The following DOK6 variants were observed in gnomAD, a reference collection of about 807,000 sequenced individuals.
DOK6 encodes the protein docking protein 6.
A neutral mutation model predicts 44.0 loss-of-function variants in DOK6; 22 were observed. The ratio of observed to expected loss-of-function variants is 0.50; its 90% CI spans 0.36 to 0.71. The LOEUF is 0.71. Ranked by LOEUF, DOK6 falls within the 30% of genes least tolerant of loss-of-function variation. The pLI is 0.00. For missense variants in DOK6, 340 were observed against 416.4 expected, an observed-to-expected ratio of 0.82 and a Z score of 1.60; for synonymous variants, 166 against 145.5, an observed-to-expected ratio of 1.14 and a Z score of -1.01.
chr18:69,604,979 T>C (rs1339807859), intron 3 of DOK6, among the ~76,000 whole-genome samples: 2 of 151,772 alleles, frequency 1.3e-5, no homozygotes, highest in East Asian at 3.9e-4. Context: ...GAGTGTCGCT[T>C]CTCCTTGTCA....
chr18:69,546,026 C>G (rs1982394307), intron 1 of DOK6, among the ~76,000 whole-genome samples: 1 of 151,022 alleles, frequency 6.6e-6, no homozygotes, highest in African/African-American at 2.4e-5. Context: ...GCCTGTAATC[C>G]TAGTACTTTG....
At chr18:69,824,204 C>T (rs1311544312) in intron 7 of DOK6, among the ~76,000 whole-genome samples, 1 of 131,176 alleles carries the variant, frequency 7.6e-6, no homozygotes, top group African/African-American at 2.9e-5. Flanking sequence ...CCTCCCCCCA[C>T]CCCACAACAG....
At chr18:69,737,132 A>G (rs1978637780) in intron 5 of DOK6, among the ~76,000 whole-genome samples, 1 of 152,236 alleles carries the variant, frequency 6.6e-6, no homozygotes, top group Admixed American at 6.5e-5. Flanking sequence ...CACATTTTAA[A>G]TAATAAGGGA....
intron 6 of DOK6, among the ~76,000 whole-genome samples, chr18:69,754,340 G>A (rs2144751468): frequency 8.9e-6 from 1 of 112,566 alleles, no homozygotes; most frequent in East Asian, 2.8e-4. Context: ...AACAGAGTGA[G>A]ACCCTATCTC....
At chr18:69,817,854 A>G (rs907592388) in intron 7 of DOK6, among the ~76,000 whole-genome samples, 1 of 152,216 alleles carries the variant, frequency 6.6e-6, no homozygotes, top group African/African-American at 2.4e-5. Context: ...GTTCACCACC[A>G]GCTGCAACAT....
chr18:69,787,776 C>T (rs1454041779), intron 7 of DOK6, among the ~76,000 whole-genome samples: 1 of 152,170 alleles, frequency 6.6e-6, no homozygotes, highest in Non-Finnish European at 1.5e-5. Flanking sequence ...ATATGTGCTT[C>T]TCTAGAGCCT....
intron 5 of DOK6, among the ~76,000 whole-genome samples, chr18:69,726,852 TAAAA>T (rs35924499): frequency 1.5e-5 from 2 of 131,754 alleles, no homozygotes; most frequent in African/African-American, 2.7e-5. Flanking sequence ...TGATCCTTTT[TAAAA>T]AAAAAAAAAA....
intron 5 of DOK6, 149 bp from the exon 6 acceptor site, chr18:69,738,816 G>A (rs1304891610): frequency 2.4e-6 from 2 of 840,448 alleles, no homozygotes; most frequent in East Asian, 5.1e-5. Context: ...GCACTTTTTG[G>A]TTGGTTTGGT....
At chr18:69,709,011 G>A (rs1326351232) in intron 5 of DOK6, among the ~76,000 whole-genome samples, 1 of 152,156 alleles carries the variant, frequency 6.6e-6, no homozygotes, top group Non-Finnish European at 1.5e-5. Flanking sequence ...GCAGGAGAGT[G>A]ATTGCAAACA....
intron 3 of DOK6, among the ~76,000 whole-genome samples, chr18:69,651,795 C>G (rs553946447): frequency 2.0e-5 from 3 of 152,044 alleles, no homozygotes; most frequent in Admixed American, 2.0e-4. Flanking sequence ...CCCCATCAGC[C>G]CCCTTTAATC....
chr18:69,749,283 C>T (rs1405046243), intron 6 of DOK6, among the ~76,000 whole-genome samples: 1 of 152,104 alleles, frequency 6.6e-6, no homozygotes, highest in Non-Finnish European at 1.5e-5. Flanking sequence ...GCACATCCTG[C>T]ACCTGTACCC....
intron 7 of DOK6, among the ~76,000 whole-genome samples, chr18:69,835,369 G>A (rs1226410313): frequency 6.6e-6 from 1 of 152,128 alleles, no homozygotes; most frequent in Non-Finnish European, 1.5e-5. Flanking sequence ...GGAGGCTGAG[G>A]CAGGAGAATG....
At position 69,575,671 on chromosome 18, in the gene DOK6, G is replaced by A. The variant is rs150783098; in HGVS notation, c.174+11077G>A. ...GCTGTTAGTGGAATAAATGTTAAAA[G>A]ACTAAACAGCAAAGGTTATAGTAAT... On this transcript the variant is annotated intron_variant, in intron 2 of 7. Coordinates refer to ENST00000382713, the MANE Select transcript of DOK6 (RefSeq NM_152721.6). Among the ~76,000 whole-genome samples the A allele has an allele frequency of 3.7e-3, 563 of 152,158 alleles. 4 individuals carry two copies. Among genetic ancestry groups the A allele is most frequent in the African/African-American group, 0.013 (543 of 41,534 alleles).
chr18:69,552,029 G>T (rs1399367778), intron 1 of DOK6, among the ~76,000 whole-genome samples: 1 of 152,164 alleles, frequency 6.6e-6, no homozygotes, highest in African/African-American at 2.4e-5. Flanking sequence ...CCTACATTTT[G>T]CTGAGCAAAT....
intron 1 of DOK6, among the ~76,000 whole-genome samples, chr18:69,433,470 G>A (rs1050458105): frequency 6.6e-6 from 1 of 152,194 alleles, no homozygotes; most frequent in East Asian, 1.9e-4. Context: ...AAACTATAAT[G>A]TAATAAAAAT....
At chr18:69,669,576 A>G (rs981157363) in intron 3 of DOK6, among the ~76,000 whole-genome samples, 1 of 151,996 alleles carries the variant, frequency 6.6e-6, no homozygotes, top group Non-Finnish European at 1.5e-5. Flanking sequence ...GTCCTTCGAA[A>G]TCTCTTCCTT....
intron 1 of DOK6, among the ~76,000 whole-genome samples, chr18:69,442,666 T>A (rs890118260): frequency 2.6e-5 from 4 of 152,206 alleles, no homozygotes; most frequent in African/African-American, 9.6e-5. Flanking sequence ...TTTTCAACAA[T>A]AGACGTGGAA....
intron 1 of DOK6, among the ~76,000 whole-genome samples, chr18:69,406,360 CT>C (rs1376833971): frequency 1.3e-5 from 2 of 152,118 alleles, no homozygotes; most frequent in African/African-American, 4.8e-5. Context: ...GTCCAAAGTT[CT>C]TTGAATTTCA....
chr18:69,783,201 C>T (rs1423416595), intron 7 of DOK6, among the ~76,000 whole-genome samples: 3 of 152,176 alleles, frequency 2.0e-5, no homozygotes, highest in Admixed American at 6.5e-5. Flanking sequence ...AGTGGCCACA[C>T]GACAGCGAAG....
Sources: gnomAD v4.1 joint callset for allele counts (sites outside exome capture counted in the v4.1 genomes callset) on GRCh38, gnomAD v4.1.1 for gene constraint, MANE v1.5 for transcripts, NCBI Gene and HGNC (gene_info 2026-07-23, HGNC 2026-07-21) for gene names.